RFC1: variants seen among roughly 807,000 people sequenced by gnomAD.
The protein encoded by RFC1 is A1 140 kDa subunit.
In RFC1, 37 loss-of-function variants were observed where a neutral mutation model predicts 137.4. The observed-to-expected ratio is 0.27, with a 90% CI of 0.21 to 0.35. The LOEUF is 0.35. Among genes scored for constraint, RFC1 ranks in the 10% least tolerant of loss-of-function variants. RFC1 has a pLI of 1.00. For synonymous variants in RFC1, 429 were observed against 455.7 expected, an observed-to-expected ratio of 0.94 and a Z score of 0.75; for missense variants, 1,205 against 1,358.5, an observed-to-expected ratio of 0.89 and a Z score of 1.78.
intron 5 of RFC1, 142 bp from the exon 6 acceptor site, chr4:39,326,782 A>G (rs1487823228): frequency 6.5e-6 from 4 of 619,486 alleles, no homozygotes; most frequent in Admixed American, 2.7e-5. Flanking sequence ...CACCAGCCAG[A>G]AAGTCAAATT....
intron 5 of RFC1, 85 bp from the exon 6 acceptor site, chr4:39,326,725 T>C (rs997111204): frequency 1.0e-5 from 10 of 989,064 alleles, no homozygotes; most frequent in Non-Finnish European, 1.6e-5. Flanking sequence ...GCTGATTAAA[T>C]ACACCAGTGA....
At chr4:39,331,776 A>G (rs1578145703) in intron 4 of RFC1, among the ~76,000 whole-genome samples, 1 of 152,356 alleles carries the variant, frequency 6.6e-6, no homozygotes, top group East Asian at 1.9e-4. Flanking sequence ...TTAAATTCAC[A>G]TTCTAAAATC....
chr4:39,302,148 C>G (rs1486595923), intron 19 of RFC1, 130 bp downstream of exon 19: 1 of 590,326 alleles, frequency 1.7e-6, no homozygotes, highest in Non-Finnish European at 3.0e-6. Context: ...GCTGTCTATA[C>G]TTCCTACTAT....
intron 22 of RFC1, among the ~76,000 whole-genome samples, chr4:39,292,499 G>A (rs1489144637): frequency 6.6e-6 from 1 of 152,052 alleles, no homozygotes. Flanking sequence ...TCTCTTAAAT[G>A]TTGTCACTTC....
Position 39,288,744 on chromosome 4 carries a change from G to T in RFC1, c.*17C>A. The T allele has an allele frequency of 6.5e-7, 1 of 1,544,166 alleles. No individual in the cohort carries two copies. The highest frequency in any genetic ancestry group is 8.9e-7 in the Non-Finnish European group (1 of 1,117,672). On this transcript the variant is annotated 3_prime_UTR_variant, in exon 25 of 25. Coordinates refer to ENST00000349703, the MANE Select transcript of RFC1 (RefSeq NM_002913.5). ...GGAGGGAGAGTAAAAAGTGGCTGTC[G>T]CTAGTGAAAAATGGTTTCATTTCTT...
rs55787837 is a variant in RFC1, at chr4:39,342,336, C to A, written c.331+9G>T. The stretch of plus-strand genomic sequence containing the variant: ...ACACGGCATCTCATATACCACAATG[C>A]AACCTTACCTGTTTCTGAAATGTAT... On this transcript the variant is annotated intron_variant, in intron 4 of 24. Transcript: ENST00000349703. 8 of 1,610,120 alleles carry A rather than the reference C, an allele frequency of 5.0e-6. No individual in the cohort carries two copies. The East Asian group carries it at 6.7e-5, about 14-fold the overall frequency.
intron 4 of RFC1, among the ~76,000 whole-genome samples, chr4:39,337,036 T>C (rs1007726446): frequency 2.6e-5 from 4 of 152,140 alleles, no homozygotes; most frequent in African/African-American, 7.2e-5. Context: ...ATTCTTCTAC[T>C]GGGCGGGAAG....
chr4:39,355,073 C>T (rs1202016173), intron 1 of RFC1, among the ~76,000 whole-genome samples: 3 of 115,492 alleles, frequency 2.6e-5, no homozygotes, highest in African/African-American at 6.7e-5. Flanking sequence ...CAGAGCGACA[C>T]TCATCTCAAA....
chr4:39,299,630 G>C (rs989588197), intron 21 of RFC1, among the ~76,000 whole-genome samples: 17 of 132,320 alleles, frequency 1.3e-4, no homozygotes, highest in African/African-American at 4.5e-4. Context: ...AAAAAAAAAA[G>C]AAAGAAAGAA....
At chr4:39,348,065 TCAGCC>T (rs1740946741) in intron 2 of RFC1, among the ~76,000 whole-genome samples, 1 of 152,196 alleles carries the variant, frequency 6.6e-6, no homozygotes, top group Non-Finnish European at 1.5e-5. Context: ...AAGAAACCGG[TCAGCC>T]AAAAGGGACC....
rs1251012746 is a variant in RFC1, at chr4:39,301,706, G to T, written c.2535+572C>A. 5.3e-5 allele frequency among the ~76,000 whole-genome samples: 8 copies of T among 152,196 alleles called. No individual in the cohort carries two copies. In the South Asian group the frequency reaches 1.7e-3, roughly 32 times the overall value. On this transcript the variant is annotated intron_variant, in intron 19 of 24. Coordinates refer to ENST00000349703, the MANE Select transcript of RFC1 (RefSeq NM_002913.5). Reference sequence around the variant, plus strand: ...TCACACCTATAATCCCGGCACCTTGGGGGCCACAGCAGGAGGATCACTTGA... The same window carrying T: ...TCACACCTATAATCCCGGCACCTTGTGGGCCACAGCAGGAGGATCACTTGA...
chr4:39,323,315 C>T (rs775774798), intron 7 of RFC1, 25 bp downstream of exon 7: 17 of 1,606,428 alleles, frequency 1.1e-5, no homozygotes, highest in South Asian at 4.4e-5. Flanking sequence ...ATATTCAGAA[C>T]GCAAATAGCC....
intron 15 of RFC1, 84 bp from the exon 16 acceptor site, chr4:39,303,235 A>C: frequency 2.3e-6 from 2 of 859,174 alleles, no homozygotes; most frequent in East Asian, 4.8e-5. Context: ...AAAATTATGT[A>C]ACAGATATTA....
intron 13 of RFC1, among the ~76,000 whole-genome samples, chr4:39,307,647 C>T (rs1456903967): frequency 6.6e-6 from 1 of 151,898 alleles, no homozygotes; most frequent in African/African-American, 2.4e-5. Flanking sequence ...ACCCAGGAAG[C>T]AGAGGTTGCA....
At chr4:39,299,994 G>T in intron 21 of RFC1, 27 bp downstream of exon 21, 1 of 1,300,904 alleles carries the variant, frequency 7.7e-7, no homozygotes, top group African/African-American at 1.4e-5. Flanking sequence ...AGCAGAGCCT[G>T]CATGTTAGGG....
At chr4:39,306,106 G>A (rs2109621847) in intron 14 of RFC1, among the ~76,000 whole-genome samples, 1 of 152,314 alleles carries the variant, frequency 6.6e-6, no homozygotes, top group Admixed American at 6.5e-5. Flanking sequence ...TAGCAATAGA[G>A]ACAATAGGAA....
At chr4:39,298,728 C>A (rs530204649) in intron 21 of RFC1, among the ~76,000 whole-genome samples, 1 of 152,310 alleles carries the variant, frequency 6.6e-6, no homozygotes, top group African/African-American at 2.4e-5. Flanking sequence ...TAAAACACAG[C>A]AAATGAAACT....
rs17334832 is a variant in RFC1, at chr4:39,335,086, G to A, written c.331+7259C>T. Among the ~76,000 whole-genome samples, 26 of 152,152 alleles carry A rather than the reference G, an allele frequency of 1.7e-4. No homozygotes were observed. The Middle Eastern group carries it at 0.01, about 60-fold the overall frequency. ...TAATTCTGTGATTTTATTTTCTTTGGTCTAGAATACACAAAAAGCAAATTA... is the reference window on the plus strand; with the variant it reads ...TAATTCTGTGATTTTATTTTCTTTGATCTAGAATACACAAAAAGCAAATTA... On this transcript the variant is annotated intron_variant, in intron 4 of 24. Transcript: ENST00000349703.
chr4:39,300,061 T>C lies in RFC1; in HGVS notation c.2768A>G (p.Gln923Arg), dbSNP rs746646125. ...SICDGDLVDS[Q>R]IRSKQNWSLL... ...ACTCCAGTTTTGCTTACTCCGGATCTGGCTGTCCACTAGGTCACCATCGCA... is the reference window on the plus strand; with the variant it reads ...ACTCCAGTTTTGCTTACTCCGGATCCGGCTGTCCACTAGGTCACCATCGCA... The change falls in exon 21 of 25, where the codon CAG becomes CGG. Residue 923 changes from glutamine (Q) to arginine (R), a missense_variant. Transcript: ENST00000349703. 28 of 1,614,194 alleles carry C rather than the reference T, an allele frequency of 1.7e-5. No homozygotes were observed. In the South Asian group the frequency reaches 2.9e-4, roughly 16 times the overall value.
Sources: gnomAD v4.1 joint callset for allele counts (sites outside exome capture counted in the v4.1 genomes callset) on GRCh38, gnomAD v4.1.1 for gene constraint, MANE v1.5 for transcripts, NCBI Gene and HGNC (gene_info 2026-07-23, HGNC 2026-07-21) for gene names.